CACNA1A: variants seen among roughly 807,000 people sequenced by gnomAD.
CACNA1A encodes the protein calcium voltage-gated channel subunit alpha1 A, also known as voltage-dependent P/Q-type calcium channel subunit alpha-1A.
A neutral mutation model predicts 262.4 loss-of-function variants in CACNA1A; 57 were observed. The observed-to-expected ratio is 0.22, with a 90% CI of 0.18 to 0.27. The LOEUF (loss-of-function observed/expected upper bound fraction) is 0.27. Among genes scored for constraint, CACNA1A ranks in the 10% least tolerant of loss-of-function variants. The pLI, the probability that CACNA1A is intolerant of heterozygous loss-of-function variation, is 1.00. For synonymous variants in CACNA1A, 1,431 were observed against 1,419.3 expected, an observed-to-expected ratio of 1.01 and a Z score of -0.18; for missense variants, 2,526 against 3,562.8, an observed-to-expected ratio of 0.71 and a Z score of 7.41.
At chr19:13,341,244 A>C (rs1344691625) in intron 6 of CACNA1A, among the ~76,000 whole-genome samples, 1 of 152,166 alleles carries the variant, frequency 6.6e-6, no homozygotes, top group Non-Finnish European at 1.5e-5. Flanking sequence ...AACCACCAGA[A>C]GCTAGGAGGG....
At chr19:13,501,777 C>T (rs1982406742) in intron 1 of CACNA1A, among the ~76,000 whole-genome samples, 1 of 152,200 alleles carries the variant, frequency 6.6e-6, no homozygotes, top group Non-Finnish European at 1.5e-5. Flanking sequence ...CTCAAATGCA[C>T]ACCAAGTAGA....
intron 5 of CACNA1A, among the ~76,000 whole-genome samples, chr19:13,361,477 G>A (rs183064303): frequency 1.1e-4 from 17 of 152,282 alleles, no homozygotes; most frequent in African/African-American, 3.8e-4. Flanking sequence ...TTTCAAAGAC[G>A]ACCGTGGCAT....
chr19:13,424,497 G>C (rs1375636943), intron 3 of CACNA1A, among the ~76,000 whole-genome samples: 4 of 152,106 alleles, frequency 2.6e-5, no homozygotes, highest in Admixed American at 2.0e-4. Context: ...GCAGGGTCTT[G>C]ATCTGTCACC....
chr19:13,226,275 A>AGGGGG (rs2055444404), intron 37 of CACNA1A: 14 of 46,652 alleles, frequency 3.0e-4, no homozygotes, highest in Admixed American at 8.8e-4. Flanking sequence ...GGGGGGCGGC[A>AGGGGG]GGGAGGGGCA....
At chr19:13,227,365 AAAAGAAG>A in intron 37 of CACNA1A, 59 bp downstream of exon 37, 6 of 637,372 alleles carry the variant, frequency 9.4e-6, no homozygotes, top group South Asian at 7.6e-5. Flanking sequence ...GCACTAAAAA[AAAAGAAG>A]AAGAAGAAGA....
chr19:13,219,914 C>T (rs945348728), intron 38 of CACNA1A, among the ~76,000 whole-genome samples: 2 of 147,966 alleles, frequency 1.4e-5, no homozygotes, highest in African/African-American at 2.5e-5. Context: ...TGCGCCACTG[C>T]ACTCCAGCCT....
At chr19:13,222,775 ACCT>A (rs2144585410) in intron 38 of CACNA1A, among the ~76,000 whole-genome samples, 1 of 148,870 alleles carries the variant, frequency 6.7e-6, no homozygotes, top group East Asian at 2.0e-4. Flanking sequence ...GCTCACTGCA[ACCT>A]CTGTCTCCCA....
At chr19:13,412,524 C>A (rs1334364833) in intron 3 of CACNA1A, among the ~76,000 whole-genome samples, 1 of 151,338 alleles carries the variant, frequency 6.6e-6, no homozygotes, top group Admixed American at 6.6e-5. Flanking sequence ...GTCACCCAGG[C>A]TGGAGTGCAG....
chr19:13,423,093 G>C (rs1470157955), intron 3 of CACNA1A, among the ~76,000 whole-genome samples: 1 of 152,164 alleles, frequency 6.6e-6, no homozygotes, highest in Non-Finnish European at 1.5e-5. Flanking sequence ...AGCTACTCCA[G>C]GTCAATAAGA....
At chr19:13,388,248 T>C (rs1456521998) in intron 3 of CACNA1A, among the ~76,000 whole-genome samples, 4 of 32,114 alleles carry the variant, frequency 1.2e-4, no homozygotes, top group South Asian at 5.4e-4. Flanking sequence ...TCCTCTTCTT[T>C]TTTTTTTTTT....
chr19:13,209,269 C>G (rs1016821238), intron 45 of CACNA1A, 43 bp downstream of exon 45: 2 of 1,437,808 alleles, frequency 1.4e-6, no homozygotes, highest in African/African-American at 2.9e-5. Context: ...CCCCTCTCCT[C>G]TCCTCTGTTC....
intron 43 of CACNA1A, chr19:13,210,982 C>G: frequency 2.4e-6 from 1 of 410,562 alleles, no homozygotes; most frequent in Admixed American, 3.7e-5. Flanking sequence ...CTGGGCTCTG[C>G]CTCATGCGAT....
chr19:13,325,326 G>T (rs1425970938), intron 10 of CACNA1A, among the ~76,000 whole-genome samples: 2 of 151,634 alleles, frequency 1.3e-5, no homozygotes, highest in Non-Finnish European at 1.5e-5. Context: ...TAGCGAGACC[G>T]TGTCTCTATC....
chr19:13,235,351 T>A, intron 32 of CACNA1A, 77 bp from the exon 33 acceptor site: 1 of 1,362,024 alleles, frequency 7.3e-7, no homozygotes, highest in Non-Finnish European at 1.0e-6. Context: ...GTCCCAGTGC[T>A]CTGCCCCACT....
Position 13,286,525 on chromosome 19 carries a change from G to T in CACNA1A, c.3531C>A (p.Pro1177=), listed in dbSNP as rs184723350. The change falls in exon 20 of 47, where the codon CCC becomes CCA. Residue 1177 remains proline, a synonymous_variant. Coordinates refer to ENST00000360228, the MANE Select transcript of CACNA1A (RefSeq NM_001127222.2). ...TVDIPPACPP[P]LNHTVVQVNK... is the part of the protein sequence containing the mutation. ...CACCTTGTACGACGGTGTGGTTGAG[G>T]GGGGGTGGGCAGGCTGGGGGGATGT... 2.5e-4 allele frequency: 380 copies of T among 1,492,082 alleles called. No individual in the cohort carries two copies. The East Asian group carries it at 4.2e-3, about 16-fold the overall frequency. The allele number at this position is 1,492,082 out of a possible 1,614,324, so 92.4% of individuals were successfully genotyped here. A position where few individuals can be genotyped will look rare whatever the true frequency, so the allele number is the denominator to read the frequency against.
chr19:13,496,813 T>C (rs916788034), intron 1 of CACNA1A, among the ~76,000 whole-genome samples: 1 of 152,186 alleles, frequency 6.6e-6, no homozygotes, highest in African/African-American at 2.4e-5. Flanking sequence ...CTATCCACTC[T>C]TCCATGTATA....
In CACNA1A at chr19:13,410,941, A is replaced by C. The variant is rs1005538842; in HGVS notation, c.540-39162T>G. ...CCCAACCTCTTTAATGATGGAGAGT[A>C]AGCCCTGGGCTCAGTCCTGGGTGCT... is the stretch of plus-strand genomic sequence containing the variant. On this transcript the variant is annotated intron_variant, in intron 3 of 46. Transcript: ENST00000360228. 2.0e-5 allele frequency among the ~76,000 whole-genome samples: 3 copies of C among 152,082 alleles called. No individual in the cohort carries two copies. In the South Asian group the frequency reaches 6.2e-4, roughly 32 times the overall value.
chr19:13,312,846 C>T (rs1442625615), intron 11 of CACNA1A, 65 bp from the exon 12 acceptor site: 1 of 754,968 alleles, frequency 1.3e-6, no homozygotes, highest in Admixed American at 3.1e-5. Context: ...TTCCAGGTGG[C>T]TCTGACTTTC....
chr19:13,410,533 CTTTTTTCTTTTTTTT>C (rs2060091400), intron 3 of CACNA1A, among the ~76,000 whole-genome samples: 1 of 134,374 alleles, frequency 7.4e-6, no homozygotes, highest in Admixed American at 7.6e-5. Context: ...TTTCTTTATT[CTTTTTTCTTTTTTTT>C]TTTTTTTTTA....
Sources: allele counts gnomAD v4.1 joint callset (sites outside exome capture counted in the v4.1 genomes callset), GRCh38; gene constraint gnomAD v4.1.1; transcripts MANE v1.5; gene names NCBI Gene and HGNC (gene_info 2026-07-23, HGNC 2026-07-21).